The following CDH18 variants were observed in gnomAD, a reference collection of about 807,000 sequenced individuals.
CDH18 encodes cadherin 18.
In CDH18, 31 loss-of-function variants were observed where a neutral mutation model predicts 67.9. The ratio of observed to expected loss-of-function variants is 0.46; its 90% CI spans 0.34 to 0.62. CDH18 has a LOEUF of 0.62. Among genes scored for constraint, CDH18 ranks in the 20% least tolerant of loss-of-function variants. The probability of loss-of-function intolerance (pLI) is 0.01; values close to 1 mark genes in which losing one functional copy is unlikely to be tolerated. For synonymous variants in CDH18, 362 were observed against 347.2 expected (o/e 1.04, Z -0.48); for missense variants, 890 against 975.5 (o/e 0.91, Z 1.17).
chr5:19,709,366 G>A lies in CDH18; in HGVS notation c.643+11981C>T, dbSNP rs929857806. Reference sequence around the variant, plus strand: ...GTGGATCACCTGAGGTCAAGAGTTCGAGGCCAACCTGATCAACATGGTGAA... The same window carrying A: ...GTGGATCACCTGAGGTCAAGAGTTCAAGGCCAACCTGATCAACATGGTGAA... On this transcript the variant is annotated intron_variant, in intron 5 of 12. Transcript: ENST00000382275. 1.6e-4 allele frequency among the ~76,000 whole-genome samples: 25 copies of A among 151,714 alleles called. 1 individual carries two copies. The highest frequency in any genetic ancestry group is 1.4e-3 in the Admixed American group (21 of 15,238).
intron 1 of CDH18, among the ~76,000 whole-genome samples, chr5:20,338,910 C>T (rs897421235): frequency 8.5e-5 from 13 of 152,128 alleles, no homozygotes; most frequent in Non-Finnish European, 1.5e-4. Context: ...GGGCTTTGCC[C>T]AGGTACACTT....
intron 1 of CDH18, among the ~76,000 whole-genome samples, chr5:20,356,508 C>T (rs749070513): frequency 3.3e-5 from 5 of 152,000 alleles, no homozygotes; most frequent in Non-Finnish European, 5.9e-5. Context: ...AGAAATTCAT[C>T]TGACTAGAGA....
chr5:19,893,192 C>T (rs1236212806), intron 2 of CDH18, among the ~76,000 whole-genome samples: 13 of 152,098 alleles, frequency 8.5e-5, no homozygotes, highest in Admixed American at 8.5e-4. Flanking sequence ...TCCCAGCTTC[C>T]AAAACTGTAA....
chr5:20,146,332 G>A (rs1233531706), intron 2 of CDH18, among the ~76,000 whole-genome samples: 6 of 152,070 alleles, frequency 3.9e-5, no homozygotes, highest in South Asian at 2.1e-4. Context: ...AGAGGATGAT[G>A]GAGAATCCTT....
intron 2 of CDH18, among the ~76,000 whole-genome samples, chr5:20,064,197 A>G (rs1421370888): frequency 6.6e-6 from 1 of 152,168 alleles, no homozygotes; most frequent in Non-Finnish European, 1.5e-5. Context: ...CTGCACATCA[A>G]ATGGCAGTGA....
intron 2 of CDH18, among the ~76,000 whole-genome samples, chr5:19,899,130 T>C (rs1166309911): frequency 6.6e-6 from 1 of 152,184 alleles, no homozygotes. Flanking sequence ...CCAGGCACGG[T>C]GGCTCACGCC....
intron 5 of CDH18, among the ~76,000 whole-genome samples, chr5:19,616,462 T>G (rs1749858184): frequency 6.6e-6 from 1 of 152,196 alleles, no homozygotes; most frequent in Admixed American, 6.5e-5. Context: ...ATTTTCAGAT[T>G]ACCTTGTCCT....
chr5:20,156,417 T>C (rs1047048810), intron 2 of CDH18, among the ~76,000 whole-genome samples: 5 of 152,160 alleles, frequency 3.3e-5, no homozygotes, highest in Non-Finnish European at 5.9e-5. Context: ...AATGAAATAA[T>C]GTTCTTTGCA....
chr5:20,253,579 T>G (rs2126605359), intron 2 of CDH18, among the ~76,000 whole-genome samples: 1 of 152,242 alleles, frequency 6.6e-6, no homozygotes, highest in Middle Eastern at 3.4e-3. Context: ...ATACTGAACT[T>G]TTCACTGCAA....
At chr5:19,788,623 T>G (rs1021475936) in intron 3 of CDH18, among the ~76,000 whole-genome samples, 2 of 152,170 alleles carry the variant, frequency 1.3e-5, no homozygotes, top group Admixed American at 1.3e-4. Flanking sequence ...CTTACCAGAT[T>G]ACATATTAGT....
intron 5 of CDH18, among the ~76,000 whole-genome samples, chr5:19,643,040 A>T (rs1160096987): frequency 6.6e-6 from 1 of 152,132 alleles, no homozygotes; most frequent in Non-Finnish European, 1.5e-5. Context: ...ATTTGCAGAC[A>T]TTTCTCAAAA....
chr5:19,541,475 CTG>C (rs1750266419), intron 9 of CDH18, among the ~76,000 whole-genome samples: 1 of 152,248 alleles, frequency 6.6e-6, no homozygotes, highest in South Asian at 2.1e-4. Flanking sequence ...TATCAATTTA[CTG>C]TGTTAGTCTG....
intron 2 of CDH18, among the ~76,000 whole-genome samples, chr5:20,116,371 G>C (rs1836769): frequency 1.3e-5 from 2 of 151,964 alleles, no homozygotes; most frequent in African/African-American, 4.8e-5. Flanking sequence ...AAAAAATGTA[G>C]CCAGGCGTGG....
intron 1 of CDH18, among the ~76,000 whole-genome samples, chr5:20,507,910 G>A (rs1019896115): frequency 6.6e-6 from 1 of 151,968 alleles, no homozygotes; most frequent in Non-Finnish European, 1.5e-5. Context: ...ATCTAGACAC[G>A]CAGGACTTTT....
At chr5:19,689,849 T>C (rs1761614260) in intron 5 of CDH18, among the ~76,000 whole-genome samples, 1 of 151,826 alleles carries the variant, frequency 6.6e-6, no homozygotes, top group South Asian at 2.1e-4. Flanking sequence ...TTAAGTGATC[T>C]ATGATATGCT....
At chr5:19,499,708 C>A (rs1389660043) in intron 11 of CDH18, among the ~76,000 whole-genome samples, 1 of 151,970 alleles carries the variant, frequency 6.6e-6, no homozygotes, top group Non-Finnish European at 1.5e-5. Context: ...TTAGTCAGAG[C>A]AAATTCATTT....
chr5:19,917,923 T>C (rs1472140584), intron 2 of CDH18, among the ~76,000 whole-genome samples: 2 of 152,150 alleles, frequency 1.3e-5, no homozygotes, highest in Non-Finnish European at 2.9e-5. Flanking sequence ...AAATCCTTAT[T>C]GGGCAAATAC....
chr5:19,969,286 C>T lies in CDH18; in HGVS notation c.-257+11774G>A, dbSNP rs1455864799. On this transcript the variant is annotated intron_variant, in intron 2 of 12. Transcript: ENST00000382275. ...TCAACCATTGTGGAAGTCAGTGTGG[C>T]GATTCCTCAGGGATCTAGAACTAGA... Among the ~76,000 whole-genome samples the T allele has an allele frequency of 4.3e-5, 6 of 140,568 alleles. 1 individual carries two copies. Among genetic ancestry groups the T allele is most frequent in the Admixed American group, 6.8e-5 (1 of 14,660 alleles). The allele number at this position is 140,568 out of a possible 152,430, so 92.2% of individuals were successfully genotyped here.
rs141808385 is a variant in CDH18 at position 20,234,394 on chromosome 5, C to T, written c.-518+21050G>A. Among the ~76,000 whole-genome samples the T allele has an allele frequency of 6.7e-4, 102 of 152,192 alleles. No homozygotes were observed. In the South Asian group the frequency reaches 0.016, roughly 23 times the overall value. On this transcript the variant is annotated intron_variant, in intron 2 of 14. Transcript: ENST00000507958. ...TACTACCTATCATTCTATCTCTAAACGATGCATTTTTTATAATTTCTTCAA... is the reference window on the plus strand; with the variant it reads ...TACTACCTATCATTCTATCTCTAAATGATGCATTTTTTATAATTTCTTCAA...
Sources: gnomAD v4.1 joint callset for allele counts (sites outside exome capture counted in the v4.1 genomes callset) on GRCh38, gnomAD v4.1.1 for gene constraint, MANE v1.5 for transcripts, NCBI Gene and HGNC (gene_info 2026-07-23, HGNC 2026-07-21) for gene names.